Variants in BBS9 observed in about 807,000 individuals in gnomAD.
The protein encoded by BBS9 is protein PTHB1.
Under a neutral mutation model 117.7 loss-of-function variants are expected in BBS9, and 89 were observed. The ratio of observed to expected loss-of-function variants is 0.76; its 90% CI spans 0.64 to 0.90. The LOEUF (loss-of-function observed/expected upper bound fraction) is 0.90, where lower values mean the gene tolerates loss of function less well. BBS9 is among the 40% of genes least tolerant of loss of function. The pLI, the probability that BBS9 is intolerant of heterozygous loss-of-function variation, is 0.00. For synonymous variants in BBS9, 379 were observed against 370.9 expected, an observed-to-expected ratio of 1.02 and a Z score of -0.25; for missense variants, 982 against 1,042.2, an observed-to-expected ratio of 0.94 and a Z score of 0.80.
intron 20 of BBS9, 87 bp from the exon 21 acceptor site, chr7:33,533,867 A>C (rs1850958718): frequency 4.2e-6 from 6 of 1,429,342 alleles, no homozygotes; most frequent in Non-Finnish European, 5.9e-6. Flanking sequence ...CTTGAACATA[A>C]ACACTCAATA....
chr7:33,290,102 T>C (rs1047767685), intron 9 of BBS9, among the ~76,000 whole-genome samples: 41 of 152,226 alleles, frequency 2.7e-4, no homozygotes, highest in African/African-American at 9.6e-4. Flanking sequence ...TATCTACAGT[T>C]CGCATTTAGG....
intron 19 of BBS9, among the ~76,000 whole-genome samples, chr7:33,423,426 A>G (rs999991135): frequency 2.0e-5 from 3 of 152,048 alleles, no homozygotes; most frequent in Admixed American, 6.6e-5. Flanking sequence ...TTCTAGCTAT[A>G]AGGGGATGAG....
At chr7:33,362,869 A>AC (rs1820887160) in intron 16 of BBS9, among the ~76,000 whole-genome samples, 1 of 152,094 alleles carries the variant, frequency 6.6e-6, no homozygotes, top group African/African-American at 2.4e-5. Flanking sequence ...CAATATCTTA[A>AC]CAATATTGAA....
chr7:33,213,779 G>A (rs1788512705), intron 5 of BBS9, among the ~76,000 whole-genome samples: 2 of 152,150 alleles, frequency 1.3e-5, no homozygotes, highest in African/African-American at 4.8e-5. Flanking sequence ...TGTCATTTGG[G>A]AGCTAGGTCC....
At chr7:33,146,550 T>G (rs1440127134) in intron 2 of BBS9, among the ~76,000 whole-genome samples, 186 bp downstream of exon 2, 1 of 151,912 alleles carries the variant, frequency 6.6e-6, no homozygotes, top group Non-Finnish European at 1.5e-5. Flanking sequence ...AAATACAAAA[T>G]TAGCTGGGCT....
At chr7:33,202,110 A>G (rs550691522) in intron 5 of BBS9, among the ~76,000 whole-genome samples, 76 of 152,312 alleles carry the variant, frequency 5.0e-4, no homozygotes, top group African/African-American at 1.8e-3. Flanking sequence ...AGAACTTGGC[A>G]TAATAATTGG....
intron 9 of BBS9, among the ~76,000 whole-genome samples, chr7:33,288,138 G>A (rs562249538): frequency 3.3e-5 from 5 of 152,250 alleles, no homozygotes; most frequent in East Asian, 3.9e-4. Flanking sequence ...ATGGGGTGGA[G>A]CTACCAGAAA....
chr7:33,516,712 G>T (rs1847867825), intron 20 of BBS9, among the ~76,000 whole-genome samples: 1 of 152,116 alleles, frequency 6.6e-6, no homozygotes, highest in Non-Finnish European at 1.5e-5. Context: ...AATCTTACCA[G>T]TTGTTGCTTT....
At chr7:33,148,740 C>A (rs1348799757) in intron 2 of BBS9, among the ~76,000 whole-genome samples, 1 of 150,650 alleles carries the variant, frequency 6.6e-6, no homozygotes, top group Non-Finnish European at 1.5e-5. Context: ...TCATGGCTCA[C>A]TGCAGCCTCA....
chr7:33,233,992 A>T (rs1792983315), intron 5 of BBS9, among the ~76,000 whole-genome samples: 1 of 152,108 alleles, frequency 6.6e-6, no homozygotes, highest in Non-Finnish European at 1.5e-5. Flanking sequence ...ATTCTGGCTG[A>T]TGTCTGTCCC....
chr7:33,572,520 C>T (rs4585647), intron 21 of BBS9, among the ~76,000 whole-genome samples: 1 of 151,786 alleles, frequency 6.6e-6, no homozygotes, highest in Admixed American at 6.6e-5. Context: ...ACCTCCATAC[C>T]GTTTTCCATA....
At chr7:33,536,688 G>GCCCCCCGCCTTCCCCCCGCCCCCCGCCTT (rs1851458785) in intron 21 of BBS9, among the ~76,000 whole-genome samples, 2 of 50,922 alleles carry the variant, frequency 3.9e-5, no homozygotes, top group African/African-American at 1.6e-4. Context: ...CCTTCCCCCC[G>GCCCCCCGCCTTCCCCCCGCCCCCCGCCTT]CCCCCCGCCT....
chr7:33,588,739 A>G (rs1334021278), intron 21 of BBS9, among the ~76,000 whole-genome samples: 1 of 152,152 alleles, frequency 6.6e-6, no homozygotes, highest in East Asian at 1.9e-4. Flanking sequence ...TCACAAGACA[A>G]TTTTTGAAGA....
rs116483694 is a variant in BBS9 at position 33,505,563 on chromosome 7, C to T, written c.2216C>T (p.Ala739Val). ...ACCCATTTGGTGATTCTGCTGATCG[C>T]GCTGTGGCAGAAGCTTAGTGCTGAC... Reference protein sequence around the residue: ...SATHLVILLIALWQKLSADQV... With the variant: ...SATHLVILLIVLWQKLSADQV... The change falls in exon 20 of 23, where the codon GCG becomes GTG. Residue 739 changes from alanine to valine, a missense_variant. Coordinates refer to ENST00000242067, the MANE Select transcript of BBS9 (RefSeq NM_198428.3). 5.7e-4 allele frequency: 914 copies of T among 1,614,118 alleles called. 3 individuals are homozygous for T. In the African/African-American group the frequency reaches 9.9e-3, roughly 17 times the overall value.
chr7:33,592,568 C>T (rs1862108620), intron 21 of BBS9, among the ~76,000 whole-genome samples: 1 of 151,988 alleles, frequency 6.6e-6, no homozygotes, highest in South Asian at 2.1e-4. Context: ...TCTTCAGTTT[C>T]CTTGTCCTAT....
At chr7:33,618,431 T>A (rs1044481907) in intron 21 of BBS9, among the ~76,000 whole-genome samples, 3 of 152,144 alleles carry the variant, frequency 2.0e-5, no homozygotes, top group African/African-American at 7.2e-5. Flanking sequence ...TGTAGTTAAA[T>A]TGAGACTACA....
intron 19 of BBS9, among the ~76,000 whole-genome samples, chr7:33,450,045 C>T (rs1837566054): frequency 6.6e-6 from 1 of 152,194 alleles, no homozygotes; most frequent in Admixed American, 6.5e-5. Context: ...GTCAGGTCGG[C>T]CCCTGACAAC....
At position 33,534,032 on chromosome 7, in the gene BBS9, T is replaced by C; in HGVS notation, c.2377T>C (p.Leu793=). 1 of 1,614,194 alleles carries C rather than the reference T, an allele frequency of 6.2e-7. No homozygotes were observed. The highest frequency in any genetic ancestry group is 1.7e-5 in the Admixed American group (1 of 60,028). The change falls in exon 21 of 23, where the codon TTG becomes CTG. Residue 793 remains leucine (L), a synonymous_variant. Coordinates refer to ENST00000242067, the MANE Select transcript of BBS9 (RefSeq NM_198428.3). ...GTCGAAGAGTTCTAAGGAGCAGGCT[T>C]TGAACCTCAACAGCCAGCTGAACAT... The part of the protein sequence containing the change: ...CLSKSSKEQA[L]NLNSQLNIPK...
chr7:33,499,606 C>T (rs1357333059), intron 19 of BBS9, among the ~76,000 whole-genome samples: 1 of 152,154 alleles, frequency 6.6e-6, no homozygotes. Context: ...ACATATTGCA[C>T]ATGATGAGAC....
Sources: allele counts gnomAD v4.1 joint callset (sites outside exome capture counted in the v4.1 genomes callset), GRCh38; gene constraint gnomAD v4.1.1; transcripts MANE v1.5; gene names NCBI Gene and HGNC (gene_info 2026-07-23, HGNC 2026-07-21).